The following ARHGAP15 variants were observed in gnomAD, a reference collection of about 807,000 sequenced individuals.
ARHGAP15 encodes the protein rho GTPase-activating protein 15.
In ARHGAP15, 51 loss-of-function variants were observed where a neutral mutation model predicts 63.7. That is an observed-to-expected ratio of 0.80 (90% confidence interval 0.64 to 1.01). The LOEUF is 1.01. Among genes scored for constraint, ARHGAP15 ranks in the 50% least tolerant of loss-of-function variants. ARHGAP15 has a pLI of 0.00. For missense variants in ARHGAP15, 560 were observed against 564.6 expected, an observed-to-expected ratio of 0.99 and a Z score of 0.08; for synonymous variants, 191 against 193.8, an observed-to-expected ratio of 0.99 and a Z score of 0.12.
chr2:143,677,509 C>T (rs1459019466), intron 12 of ARHGAP15, among the ~76,000 whole-genome samples: 1 of 152,146 alleles, frequency 6.6e-6, no homozygotes, highest in Non-Finnish European at 1.5e-5. Flanking sequence ...TCATATCACC[C>T]CTCCTAGTTG....
At chr2:143,298,067 G>A (rs1309543866) in intron 6 of ARHGAP15, among the ~76,000 whole-genome samples, 3 of 151,820 alleles carry the variant, frequency 2.0e-5, no homozygotes, top group Non-Finnish European at 4.4e-5. Context: ...TCTCTCCAGT[G>A]GGAACCTCTT....
chr2:143,235,923 C>T, intron 5 of ARHGAP15: 1 of 1,539,112 alleles, frequency 6.5e-7, no homozygotes, highest in Non-Finnish European at 8.8e-7. Flanking sequence ...CTCCTAAGTA[C>T]CTGCTGTACT....
chr2:143,509,356 AAG>A (rs1693474461), intron 9 of ARHGAP15, among the ~76,000 whole-genome samples: 1 of 151,968 alleles, frequency 6.6e-6, no homozygotes, highest in South Asian at 2.1e-4. Flanking sequence ...ATAAGTAAAC[AAG>A]GCAATGAGAG....
In ARHGAP15 at chr2:143,378,070, T is replaced by G. The variant is rs541936547; in HGVS notation, c.475-57531T>G. ...TGCAGAAAGGAAAATAAACATAATGTTTACTGAAATTAACTAGAATGGTGA... is the reference window on the plus strand; with the variant it reads ...TGCAGAAAGGAAAATAAACATAATGGTTACTGAAATTAACTAGAATGGTGA... On this transcript the variant is annotated intron_variant, in intron 6 of 13. Coordinates refer to ENST00000295095, the MANE Select transcript of ARHGAP15 (RefSeq NM_018460.4). 3.3e-5 allele frequency among the ~76,000 whole-genome samples: 5 copies of G among 152,122 alleles called. No individual in the cohort carries two copies. The South Asian group carries it at 1.0e-3, about 32-fold the overall frequency.
intron 4 of ARHGAP15, among the ~76,000 whole-genome samples, chr2:143,224,049 T>C (rs529159404): frequency 6.6e-6 from 1 of 152,312 alleles, no homozygotes. Context: ...AAATGTTTAA[T>C]GGAGACATGT....
intron 11 of ARHGAP15, among the ~76,000 whole-genome samples, chr2:143,602,427 C>T (rs1344648325): frequency 3.9e-5 from 6 of 152,068 alleles, no homozygotes; most frequent in Admixed American, 1.3e-4. Context: ...AAAAGGATGG[C>T]TCCCTGGGAA....
chr2:143,627,286 A>G (rs1229079152), intron 12 of ARHGAP15, among the ~76,000 whole-genome samples: 2 of 152,222 alleles, frequency 1.3e-5, no homozygotes, highest in Non-Finnish European at 2.9e-5. Flanking sequence ...CAGAGGGATC[A>G]ACCAACAGGG....
chr2:143,553,672 A>G (rs1695668439), intron 10 of ARHGAP15, among the ~76,000 whole-genome samples: 1 of 152,208 alleles, frequency 6.6e-6, no homozygotes. Context: ...TATATGTGAT[A>G]TGTCCAATCC....
chr2:143,608,067 C>G (rs1698110770), intron 11 of ARHGAP15: 1 of 152,170 alleles, frequency 6.6e-6, no homozygotes, highest in African/African-American at 2.4e-5. Flanking sequence ...TTTCCCCCTC[C>G]CTTCTTAGCA....
At chr2:143,207,655 T>C (rs186608673) in intron 3 of ARHGAP15, among the ~76,000 whole-genome samples, 2 of 152,226 alleles carry the variant, frequency 1.3e-5, no homozygotes, top group Admixed American at 1.3e-4. Flanking sequence ...CATTCAACTT[T>C]TATCCATCAA....
At chr2:143,133,802 G>C (rs1238798531) in intron 1 of ARHGAP15, among the ~76,000 whole-genome samples, 1 of 151,778 alleles carries the variant, frequency 6.6e-6, no homozygotes, top group Non-Finnish European at 1.5e-5. Flanking sequence ...CACTTTTCAT[G>C]TTTAATATAT....
intron 2 of ARHGAP15, among the ~76,000 whole-genome samples, chr2:143,159,592 C>G (rs1329049256): frequency 6.6e-6 from 1 of 151,928 alleles, no homozygotes; most frequent in Non-Finnish European, 1.5e-5. Flanking sequence ...AAAAATAGCG[C>G]TGCTTGGAAA....
intron 12 of ARHGAP15, among the ~76,000 whole-genome samples, chr2:143,638,600 A>G (rs1468846492): frequency 2.0e-5 from 3 of 150,514 alleles, no homozygotes; most frequent in African/African-American, 7.3e-5. Context: ...ATGTATACAT[A>G]TGTAACTAAC....
chr2:143,680,156 C>T (rs1683037003), intron 12 of ARHGAP15, among the ~76,000 whole-genome samples: 1 of 150,918 alleles, frequency 6.6e-6, no homozygotes, highest in African/African-American at 2.5e-5. Context: ...TAAATTATTG[C>T]AAATACTCAG....
chr2:143,573,794 C>A (rs1368321780), intron 11 of ARHGAP15, among the ~76,000 whole-genome samples: 5 of 152,090 alleles, frequency 3.3e-5, no homozygotes, highest in Non-Finnish European at 7.4e-5. Context: ...TCTTCCTTTA[C>A]AAGAGGTAAC....
chr2:143,648,517 T>G lies in ARHGAP15; in HGVS notation c.1138+24250T>G, dbSNP rs148037275. Among the ~76,000 whole-genome samples, 429 of 152,168 alleles carry G rather than the reference T, an allele frequency of 2.8e-3. 3 individuals carry two copies. The highest frequency in any genetic ancestry group is 9.4e-3 in the African/African-American group (392 of 41,556). On this transcript the variant is annotated intron_variant, in intron 12 of 13. Coordinates refer to ENST00000295095, the MANE Select transcript of ARHGAP15 (RefSeq NM_018460.4). ...TAAACTTGGATCTACATGTTGAAGCTGGACATGTCAAGTCCTTGACTGTTC... is the reference window on the plus strand; with the variant it reads ...TAAACTTGGATCTACATGTTGAAGCGGGACATGTCAAGTCCTTGACTGTTC...
intron 11 of ARHGAP15, among the ~76,000 whole-genome samples, chr2:143,578,465 T>C (rs1417190566): frequency 6.6e-6 from 1 of 152,156 alleles, no homozygotes; most frequent in Non-Finnish European, 1.5e-5. Flanking sequence ...CAAGACCTGA[T>C]AGCAAATACA....
chr2:143,703,189 T>A (rs1489735244), intron 12 of ARHGAP15, among the ~76,000 whole-genome samples: 1 of 152,184 alleles, frequency 6.6e-6, no homozygotes, highest in Non-Finnish European at 1.5e-5. Context: ...GGCTAAAAGC[T>A]AATCAGTTCA....
At chr2:143,254,776 C>A (rs1680335793) in intron 6 of ARHGAP15, among the ~76,000 whole-genome samples, 1 of 151,868 alleles carries the variant, frequency 6.6e-6, no homozygotes, top group Admixed American at 6.6e-5. Context: ...ACTTATTAAG[C>A]CAGAAGACTG....
Sources: gnomAD v4.1 joint callset for allele counts (sites outside exome capture counted in the v4.1 genomes callset) on GRCh38, gnomAD v4.1.1 for gene constraint, MANE v1.5 for transcripts, NCBI Gene and HGNC (gene_info 2026-07-23, HGNC 2026-07-21) for gene names.